The following SMARCC1 variants were observed in gnomAD, a reference collection of about 807,000 sequenced individuals.
SMARCC1 encodes SWI/SNF complex subunit SMARCC1.
Under a neutral mutation model 147.4 loss-of-function variants are expected in SMARCC1, and 43 were observed. That is an observed-to-expected ratio of 0.29 (90% CI 0.23 to 0.38). SMARCC1 has a LOEUF of 0.38. Among genes scored for constraint, SMARCC1 ranks in the 10% least tolerant of loss-of-function variants. The pLI is 1.00. For missense variants in SMARCC1, 1,119 were observed against 1,381.1 expected (o/e 0.81, Z 3.01); for synonymous variants, 495 against 484.4 (o/e 1.02, Z -0.29).
chr3:47,643,934 T>A (rs2033084414), intron 21 of SMARCC1, among the ~76,000 whole-genome samples: 1 of 152,196 alleles, frequency 6.6e-6, no homozygotes, highest in Non-Finnish European at 1.5e-5. Context: ...CTCACGCCTA[T>A]AATCTCAGCA....
At chr3:47,749,165 G>A (rs1040460306) in intron 2 of SMARCC1, among the ~76,000 whole-genome samples, 13 of 151,864 alleles carry the variant, frequency 8.6e-5, no homozygotes, top group Admixed American at 4.6e-4. Context: ...TTAGCCGGGC[G>A]TGGTGGCACG....
chr3:47,755,037 T>C (rs554892832), intron 2 of SMARCC1, among the ~76,000 whole-genome samples: 1 of 151,836 alleles, frequency 6.6e-6, no homozygotes, highest in Admixed American at 6.6e-5. Flanking sequence ...AGCAAGACTC[T>C]GTCTCAAAAA....
At chr3:47,678,365 T>C (rs775937671) in intron 15 of SMARCC1, 54 bp from the exon 16 acceptor site, 3 of 806,208 alleles carry the variant, frequency 3.7e-6, no homozygotes, top group Non-Finnish European at 5.8e-6. Flanking sequence ...TCAGAAACAA[T>C]GTTACTTAGA....
At chr3:47,620,599 C>T (rs1421786212) in intron 25 of SMARCC1, among the ~76,000 whole-genome samples, 3 of 152,126 alleles carry the variant, frequency 2.0e-5, no homozygotes, top group African/African-American at 7.2e-5. Flanking sequence ...GACTTCCACT[C>T]TCACTTTTGG....
rs181494657 is a variant in SMARCC1, at chr3:47,613,250, A to G, written c.2782-2923T>C. On this transcript the variant is annotated intron_variant, in intron 25 of 27. Coordinates refer to ENST00000254480, the MANE Select transcript of SMARCC1 (RefSeq NM_003074.4). ...GGGGAAAAAACAAGTTGCAATAAAA[A>G]TATTTATAAGATAATCCAAGTATAT... is the stretch of plus-strand genomic sequence containing the variant. Among the ~76,000 whole-genome samples, 296 of 152,348 alleles carry G rather than the reference A, an allele frequency of 1.9e-3. 3 individuals are homozygous for G. Among genetic ancestry groups the G allele is most frequent in the African/African-American group, 6.6e-3 (273 of 41,584 alleles).
At chr3:47,656,072 TTGG>T (rs2033257515) in intron 21 of SMARCC1, among the ~76,000 whole-genome samples, 1 of 151,890 alleles carries the variant, frequency 6.6e-6, no homozygotes, top group Non-Finnish European at 1.5e-5. Flanking sequence ...TTAGCTGGGC[TTGG>T]TGGTGCGCAC....
chr3:47,590,834 T>C lies in SMARCC1; in HGVS notation c.3047A>G (p.Gln1016Arg). Residue 1016 changes from glutamine to arginine, a missense_variant, in exon 27 of 28, where the codon CAG becomes CGG. Gln to Arg is a conservative substitution (Grantham distance 43, BLOSUM62 1). This residue lies in a region of SMARCC1 where 186 missense variants were observed against 216.5 expected (regional missense o/e 0.86). Coordinates refer to ENST00000254480, the MANE Select transcript of SMARCC1 (RefSeq NM_003074.4). ...CATCATGGAACCTGGGCCTGGTATCTGACCTGTGGAGGGAGATTTAAAGTA... is the reference window on the plus strand; with the variant it reads ...CATCATGGAACCTGGGCCTGGTATCCGACCTGTGGAGGGAGATTTAAAGTA... ...MPPPHPPQPG[Q>R]IPGPGSMMPG... is the part of the protein sequence containing the mutation. 1 of 1,601,588 alleles carries C rather than the reference T, an allele frequency of 6.2e-7. No individual in the cohort carries two copies. The highest frequency in any genetic ancestry group is 8.5e-7 in the Non-Finnish European group (1 of 1,175,318).
intron 14 of SMARCC1, among the ~76,000 whole-genome samples, chr3:47,680,842 C>T (rs1003949721): frequency 6.6e-6 from 1 of 151,570 alleles, no homozygotes; most frequent in Non-Finnish European, 1.5e-5. Flanking sequence ...CCACCGCGCC[C>T]GGCCGGAGTG....
At position 47,587,317 on chromosome 3, in the gene SMARCC1, T is replaced by C. The variant is rs77978730; in HGVS notation, c.*892A>G. 1 of 141,770 alleles carries C rather than the reference T, an allele frequency of 7.1e-6. No homozygotes were observed. Among genetic ancestry groups the C allele is most frequent in the South Asian group, 2.3e-4 (1 of 4,356 alleles). 8.8% of individuals were successfully genotyped at this position (141,770 alleles called of 1,614,324 possible). A position where few individuals can be genotyped will look rare whatever the true frequency, so the allele number is the denominator to read the frequency against. ...AATAGTAGGCTAGACTCATTGGGGG[T>C]AATTACCCTAGACTCCTAACTTTCC... On this transcript the variant is annotated 3_prime_UTR_variant, in exon 28 of 28. Coordinates refer to ENST00000254480, the MANE Select transcript of SMARCC1 (RefSeq NM_003074.4).
intron 2 of SMARCC1, among the ~76,000 whole-genome samples, chr3:47,769,758 C>T (rs559500284): frequency 6.6e-6 from 1 of 152,238 alleles, no homozygotes; most frequent in African/African-American, 2.4e-5. Context: ...GGACCCTGCA[C>T]CTAATCAAAT....
intron 20 of SMARCC1, 29 bp downstream of exon 20, chr3:47,662,305 T>C (rs918401052): frequency 1.3e-6 from 2 of 1,592,426 alleles, no homozygotes; most frequent in Non-Finnish European, 1.7e-6. Flanking sequence ...AGTTTTTCTG[T>C]TGAGGAGATG....
rs765109375 is a variant in SMARCC1 at position 47,587,827 on chromosome 3, T to C, written c.*382A>G. Reference sequence around the variant, plus strand: ...GAAAGATAAAAAGATAATGATTATATAGCATTATCCATAGAAGCATAAGAC... The same window carrying C: ...GAAAGATAAAAAGATAATGATTATACAGCATTATCCATAGAAGCATAAGAC... On this transcript the variant is annotated 3_prime_UTR_variant, in exon 28 of 28. Transcript: ENST00000254480. The C allele has an allele frequency of 6.4e-5, 12 of 188,310 alleles. No individual in the cohort carries two copies. The highest frequency in any genetic ancestry group is 1.2e-4 in the Non-Finnish European group (11 of 90,926). 11.7% of individuals were successfully genotyped at this position (188,310 alleles called of 1,614,324 possible).
chr3:47,656,976 C>A (rs111686412), intron 21 of SMARCC1, among the ~76,000 whole-genome samples: 12 of 151,954 alleles, frequency 7.9e-5, no homozygotes, highest in African/African-American at 2.4e-5. Flanking sequence ...TGAAATGGCA[C>A]GCTAATATCA....
At chr3:47,748,061 G>A (rs1243748737) in intron 2 of SMARCC1, among the ~76,000 whole-genome samples, 1 of 152,074 alleles carries the variant, frequency 6.6e-6, no homozygotes, top group Non-Finnish European at 1.5e-5. Context: ...GGGAGGCTGA[G>A]GCAGGAGAAT....
At chr3:47,738,536 C>A (rs1427239581) in intron 3 of SMARCC1, among the ~76,000 whole-genome samples, 1 of 151,868 alleles carries the variant, frequency 6.6e-6, no homozygotes, top group Non-Finnish European at 1.5e-5. Context: ...ATACAAAAAT[C>A]AACTGGGCAT....
chr3:47,600,547 A>C (rs1326876461), intron 26 of SMARCC1, among the ~76,000 whole-genome samples: 1 of 152,196 alleles, frequency 6.6e-6, no homozygotes, highest in East Asian at 1.9e-4. Context: ...AATTTGGCGC[A>C]AAGTCACAAT....
intron 5 of SMARCC1, among the ~76,000 whole-genome samples, chr3:47,731,285 C>T (rs1330919904): frequency 6.6e-6 from 1 of 152,166 alleles, no homozygotes; most frequent in Non-Finnish European, 1.5e-5. Flanking sequence ...CATGAGATCG[C>T]GGCAATTCAG....
intron 4 of SMARCC1, among the ~76,000 whole-genome samples, chr3:47,737,437 C>G (rs961079756): frequency 3.9e-5 from 6 of 151,958 alleles, no homozygotes; most frequent in Non-Finnish European, 4.4e-5. Flanking sequence ...AAAGACAACT[C>G]AAACAATACA....
chr3:47,697,932 T>C (rs4858804), intron 11 of SMARCC1, among the ~76,000 whole-genome samples: 134,853 of 146,826 alleles, frequency 0.92, 62,905 homozygotes, highest in East Asian at 1. Context: ...GGTGTGAACC[T>C]GGGAGGTAAA....
Sources: allele counts gnomAD v4.1 joint callset (sites outside exome capture counted in the v4.1 genomes callset), GRCh38; gene constraint gnomAD v4.1.1; regional missense constraint gnomAD v4.1.1; transcripts MANE v1.5; gene names NCBI Gene and HGNC (gene_info 2026-07-23, HGNC 2026-07-21).